DEPDC4: variants seen among roughly 807,000 people sequenced by gnomAD.
The protein encoded by DEPDC4 is DEP domain-containing protein 4.
In DEPDC4, 52 loss-of-function variants were observed where a neutral mutation model predicts 52.0. The observed-to-expected ratio is 1.00, with a 90% CI of 0.80 to 1.26. DEPDC4 has a LOEUF of 1.26. Among genes scored for constraint, DEPDC4 ranks in the 50% most tolerant of loss-of-function variants. The probability of loss-of-function intolerance (pLI) is 0.00; values close to 1 mark genes in which losing one functional copy is unlikely to be tolerated. For missense variants in DEPDC4, 530 were observed against 546.9 expected (o/e 0.97, Z 0.31); for synonymous variants, 201 against 196.8 (o/e 1.02, Z -0.18).
At chr12:100,274,895 A>C in the DEPDC4 span, among the ~76,000 whole-genome samples, 1 of 152,224 alleles carries the variant, frequency 6.6e-6, no homozygotes, top group Non-Finnish European at 1.5e-5. Flanking sequence ...CCCTTCTCAC[A>C]GTAATATTCT....
chr12:100,266,859 T>A (rs2096276007), intron 1 of DEPDC4, 61 bp downstream of exon 1: 7 of 1,564,052 alleles, frequency 4.5e-6, no homozygotes, highest in Non-Finnish European at 6.1e-6. Context: ...CCCAGCCGCC[T>A]GCTCCCTTCA....
At chr12:100,251,427 GTGTTT>G (rs1311324266) in intron 7 of DEPDC4, among the ~76,000 whole-genome samples, 53 of 152,244 alleles carry the variant, frequency 3.5e-4, no homozygotes, top group African/African-American at 1.2e-3. Context: ...CTACTCCTAA[GTGTTT>G]TGTTTTGAGA....
chr12:100,236,486 T>A (rs555137102), downstream of DEPDC4, among the ~76,000 whole-genome samples: 5 of 152,332 alleles, frequency 3.3e-5, no homozygotes, highest in South Asian at 1.0e-3. Context: ...CATTTGTATA[T>A]CTTCTTTTGA....
chr12:100,272,397 A>C, the DEPDC4 span, among the ~76,000 whole-genome samples: 2 of 152,086 alleles, frequency 1.3e-5, no homozygotes, highest in Non-Finnish European at 1.5e-5. Flanking sequence ...TTCAGGTCTT[A>C]TTTTACAGGC....
chr12:100,267,282 G>A, upstream of DEPDC4: 1 of 571,470 alleles, frequency 1.7e-6, no homozygotes, highest in Non-Finnish European at 3.1e-6. Flanking sequence ...AGGATATGGA[G>A]TAAAGCCAGA....
At chr12:100,250,104 G>C (rs2096201602) in intron 7 of DEPDC4, among the ~76,000 whole-genome samples, 1 of 152,094 alleles carries the variant, frequency 6.6e-6, no homozygotes, top group Non-Finnish European at 1.5e-5. Context: ...CTAATCTCTA[G>C]AAACCAACTA....
intron 9 of DEPDC4, among the ~76,000 whole-genome samples, chr12:100,233,913 T>TGGGCTTGGGCTTGGGC (rs2096137780): frequency 6.6e-6 from 1 of 152,142 alleles, no homozygotes; most frequent in Non-Finnish European, 1.5e-5. Flanking sequence ...GAAAATCTTT[T>TGGGCTTGGGCTTGGGC]ATGAGCTTGG....
chr12:100,241,942 C>T (rs1052045656), intron 9 of DEPDC4, 97 bp from the exon 10 acceptor site: 9 of 776,542 alleles, frequency 1.2e-5, no homozygotes, highest in African/African-American at 7.5e-5. Context: ...ACTGGTCTTA[C>T]GGTATGTTAC....
At chr12:100,263,971 T>C (rs2096263171) in intron 1 of DEPDC4, 78 bp from the exon 2 acceptor site, 1 of 1,360,486 alleles carries the variant, frequency 7.4e-7, no homozygotes. Context: ...TTGACAACCT[T>C]ATGCTTGTTG....
At chr12:100,261,088 G>T (rs2096252012) in intron 3 of DEPDC4, among the ~76,000 whole-genome samples, 1 of 150,950 alleles carries the variant, frequency 6.6e-6, no homozygotes, top group Non-Finnish European at 1.5e-5. Flanking sequence ...GGCTGAGGCA[G>T]GAGAATCACT....
At position 100,253,682 on chromosome 12, in the gene DEPDC4, G is replaced by A. The variant is rs557190368; in HGVS notation, c.912C>T (p.Cys304=). 3.9e-6 allele frequency: 5 copies of A among 1,289,706 alleles called. No homozygotes were observed. Among genetic ancestry groups the A allele is most frequent in the South Asian group, 3.7e-5 (3 of 80,878 alleles). The allele number at this position is 1,289,706 out of a possible 1,614,324, so 79.9% of individuals were successfully genotyped here. A position where few individuals can be genotyped will look rare whatever the true frequency, so the allele number is the denominator to read the frequency against. ...IDNWLNAAIE[C]LEYFPDQLIV... is the part of the protein sequence containing the mutation. The stretch of plus-strand genomic sequence containing the variant: ...TTAACTGGTCAGGGAAATACTCCAA[G>A]CATTCAATTGCTGCATTAAGCCAGT... Residue 304 remains cysteine, a synonymous_variant, in exon 5 of 10, where the codon TGC becomes TGT. Transcript: ENST00000550587.
chr12:100,275,038 G>A, the DEPDC4 span, among the ~76,000 whole-genome samples: 2 of 151,986 alleles, frequency 1.3e-5, no homozygotes, highest in Non-Finnish European at 2.9e-5. Flanking sequence ...AGTATATATC[G>A]TTCCATTTAT....
chr12:100,242,324 C>CTTTTTTT (rs746693169), intron 9 of DEPDC4, among the ~76,000 whole-genome samples, 162 bp downstream of exon 9: 2 of 96,038 alleles, frequency 2.1e-5, no homozygotes, highest in Non-Finnish European at 4.3e-5. Context: ...ACTATGAGGG[C>CTTTTTTT]TTTTTTTTTT....
chr12:100,265,488 T>C (rs184750387), intron 1 of DEPDC4, among the ~76,000 whole-genome samples: 8 of 152,006 alleles, frequency 5.3e-5, no homozygotes, highest in Non-Finnish European at 7.4e-5. Flanking sequence ...CCCAGCTACT[T>C]GGGAAGCTGA....
upstream of DEPDC4, among the ~76,000 whole-genome samples, chr12:100,271,697 G>A (rs1030343882): frequency 1.3e-5 from 2 of 152,082 alleles, no homozygotes; most frequent in Non-Finnish European, 1.5e-5. Flanking sequence ...ATGTAATTAC[G>A]GTAAGCCTTT....
At chr12:100,279,030 A>G in the DEPDC4 span, among the ~76,000 whole-genome samples, 6 of 152,192 alleles carry the variant, frequency 3.9e-5, no homozygotes, top group East Asian at 9.7e-4. Flanking sequence ...GCTATTTGGT[A>G]TATCTATGTA....
At chr12:100,262,139 G>A in intron 3 of DEPDC4, 125 bp downstream of exon 3, 1 of 862,452 alleles carries the variant, frequency 1.2e-6, no homozygotes, top group South Asian at 1.9e-5. Context: ...GTGGAAGCAA[G>A]GGGTATGTGG....
At chr12:100,260,702 C>G (rs1312242582) in intron 3 of DEPDC4, among the ~76,000 whole-genome samples, 7 of 148,460 alleles carry the variant, frequency 4.7e-5, no homozygotes, top group Non-Finnish European at 1.5e-5. Flanking sequence ...ATGGCAAAAC[C>G]TCATCTCTAC....
upstream of DEPDC4, chr12:100,267,356 G>A (rs543846144): frequency 1.8e-5 from 6 of 334,858 alleles, no homozygotes; most frequent in Non-Finnish European, 3.3e-5. Context: ...GGGGGCGGGG[G>A]GAAAGAGCCC....
Sources: gnomAD v4.1 joint callset for allele counts (sites outside exome capture counted in the v4.1 genomes callset) on GRCh38, gnomAD v4.1.1 for gene constraint, MANE v1.5 for transcripts, NCBI Gene and HGNC (gene_info 2026-07-23, HGNC 2026-07-21) for gene names.